Variants in RUVBL1 observed in about 807,000 individuals in gnomAD.
RUVBL1 encodes ruvB-like 1.
A neutral mutation model predicts 52.4 loss-of-function variants in RUVBL1; 4 were observed. The ratio of observed to expected loss-of-function variants is 0.08; its 90% CI spans 0.04 to 0.17. RUVBL1 has a LOEUF of 0.17. Among genes scored for constraint, RUVBL1 ranks in the 10% least tolerant of loss-of-function variants. The probability of loss-of-function intolerance (pLI) is 1.00; values close to 1 mark genes in which losing one functional copy is unlikely to be tolerated. For missense variants in RUVBL1, 298 were observed against 572.8 expected (o/e 0.52, Z 4.90); for synonymous variants, 217 against 214.4 (o/e 1.01, Z -0.10).
chr3:128,146,400 G>A (rs776267474), intron 1 of RUVBL1, among the ~76,000 whole-genome samples: 6 of 151,904 alleles, frequency 3.9e-5, no homozygotes, highest in African/African-American at 9.6e-5. Context: ...GTGTGTGTGC[G>A]TGCATCTGTG....
chr3:128,069,450 G>A (rs558090876), intron 9 of RUVBL1: 66 of 1,601,906 alleles, frequency 4.1e-5, no homozygotes, highest in Non-Finnish European at 4.7e-5. Flanking sequence ...TGGGTGTCCA[G>A]GAGCTGACTG....
At chr3:128,146,781 G>A (rs541241938) in intron 1 of RUVBL1, among the ~76,000 whole-genome samples, 10 of 152,222 alleles carry the variant, frequency 6.6e-5, no homozygotes, top group African/African-American at 1.9e-4. Context: ...CTCTGTGCGT[G>A]TGCACGTGTG....
At chr3:128,097,817 T>G (rs972246950) in intron 7 of RUVBL1, among the ~76,000 whole-genome samples, 4 of 152,304 alleles carry the variant, frequency 2.6e-5, no homozygotes, top group Admixed American at 2.0e-4. Context: ...CTCCCTACCA[T>G]GCCTTATCAC....
downstream of RUVBL1, among the ~76,000 whole-genome samples, chr3:128,077,009 C>T (rs959067333): frequency 6.6e-6 from 1 of 151,804 alleles, no homozygotes; most frequent in African/African-American, 2.4e-5. Flanking sequence ...AATCGGCAGG[C>T]GCCCATCGGC....
At chr3:128,106,046 T>C (rs942035063) in intron 3 of RUVBL1, among the ~76,000 whole-genome samples, 2 of 151,704 alleles carry the variant, frequency 1.3e-5, no homozygotes, top group African/African-American at 4.8e-5. Context: ...ATTTTTGGGG[T>C]TTTTTTGTAC....
upstream of RUVBL1, among the ~76,000 whole-genome samples, chr3:128,126,919 C>A (rs1347835005): frequency 6.6e-6 from 1 of 152,210 alleles, no homozygotes; most frequent in Non-Finnish European, 1.5e-5. Flanking sequence ...TGACCCCACA[C>A]CCCATGTTTG....
Position 128,081,494 on chromosome 3 carries a change from CA to C in RUVBL1, c.1212-86del, listed in dbSNP as rs1942474494. 8 of 1,402,488 alleles carry C rather than the reference CA, an allele frequency of 5.7e-6. No individual in the cohort carries two copies. Among genetic ancestry groups the C allele is most frequent in the African/African-American group, 1.4e-5 (1 of 69,580 alleles). The allele number at this position is 1,402,488 out of a possible 1,614,324, so 86.9% of individuals were successfully genotyped here. A position where few individuals can be genotyped will look rare whatever the true frequency, so the allele number is the denominator to read the frequency against. The stretch of plus-strand genomic sequence containing the variant: ...CCCCCACATCAGTAGGCAGCACTGG[CA>C]CCAGGAGCAGAGCCCAGTGCTGGGC... On this transcript the variant is annotated intron_variant, in intron 10 of 10. Coordinates refer to ENST00000322623, the MANE Select transcript of RUVBL1 (RefSeq NM_003707.3). The surrounding 1 kb of genome is among the most constrained non-coding windows in gnomAD (Gnocchi z 4.8).
chr3:128,098,188 A>C (rs901718957), intron 7 of RUVBL1, among the ~76,000 whole-genome samples: 21 of 152,144 alleles, frequency 1.4e-4, no homozygotes, highest in African/African-American at 4.1e-4. Flanking sequence ...GCAGCTCACA[A>C]ATAGAAAACT....
downstream of RUVBL1, chr3:128,076,052 C>CT (rs1400842805): frequency 1.3e-5 from 2 of 152,918 alleles, no homozygotes; most frequent in African/African-American, 4.8e-5. This position sits in a 1 kb window ranked among gnomAD's most constrained non-coding sequence, Gnocchi z 6.8. Flanking sequence ...CTCTGCACAC[C>CT]TGGCACACGG....
At chr3:128,074,076 C>G (rs955664600) in intron 9 of RUVBL1, among the ~76,000 whole-genome samples, 4 of 152,196 alleles carry the variant, frequency 2.6e-5, no homozygotes, top group Non-Finnish European at 5.9e-5. Flanking sequence ...TAGACATACA[C>G]TTACCCTACA....
At chr3:128,112,729 G>GT (rs1438033336) in intron 3 of RUVBL1, among the ~76,000 whole-genome samples, 159 bp downstream of exon 3, 1 of 152,188 alleles carries the variant, frequency 6.6e-6, no homozygotes, top group Non-Finnish European at 1.5e-5. Flanking sequence ...AAAAACTGGG[G>GT]TTTTGTTTTA....
upstream of RUVBL1, chr3:128,124,013 A>G (rs1283146054): frequency 1.6e-6 from 1 of 636,302 alleles, no homozygotes; most frequent in Non-Finnish European, 2.0e-6. Context: ...CAGTGGGACC[A>G]CGCCCCGGAT....
chr3:128,065,870 T>G (rs1941961264), intron 9 of RUVBL1, among the ~76,000 whole-genome samples: 1 of 149,672 alleles, frequency 6.7e-6, no homozygotes, highest in African/African-American at 2.5e-5. Flanking sequence ...GCCTCCCGAG[T>G]AGATGGGATT....
At chr3:128,079,616 C>A (rs980228717), downstream of RUVBL1, among the ~76,000 whole-genome samples, 1 of 152,220 alleles carries the variant, frequency 6.6e-6, no homozygotes, top group African/African-American at 2.4e-5. Context: ...GGGCCACATG[C>A]ACAGCTGACT....
chr3:128,094,507 G>C (rs988977868), intron 8 of RUVBL1, among the ~76,000 whole-genome samples: 2 of 152,236 alleles, frequency 1.3e-5, no homozygotes, highest in African/African-American at 2.4e-5. Flanking sequence ...GGTCCACTGG[G>C]AAGCGGTGTG....
chr3:128,068,722 G>A (rs1489579178), intron 9 of RUVBL1: 1 of 153,004 alleles, frequency 6.5e-6, no homozygotes, highest in East Asian at 1.9e-4. Context: ...AGGTAAGGAA[G>A]GGCAAAGTCC....
upstream of RUVBL1, chr3:128,123,830 C>T (rs1357035616): frequency 7.2e-7 from 1 of 1,386,928 alleles, no homozygotes; most frequent in Non-Finnish European, 9.4e-7. Context: ...TTTGCAAAGG[C>T]CCGCCTAGAC....
intron 1 of RUVBL1, among the ~76,000 whole-genome samples, chr3:128,151,967 T>C (rs1456900949): frequency 6.6e-6 from 1 of 152,192 alleles, no homozygotes; most frequent in Non-Finnish European, 1.5e-5. Flanking sequence ...GGAGGCAATG[T>C]TGGGCTAGCA....
At chr3:128,077,209 G>A (rs1576435229), downstream of RUVBL1, among the ~76,000 whole-genome samples, 1 of 152,114 alleles carries the variant, frequency 6.6e-6, no homozygotes, top group African/African-American at 2.4e-5. Context: ...AGTGACGGGA[G>A]GGGCGGCAGG....
Sources: gnomAD v4.1 joint callset for allele counts (sites outside exome capture counted in the v4.1 genomes callset) on GRCh38, gnomAD v4.1.1 for gene constraint, Gnocchi (gnomAD v3.1) non-coding constraint, MANE v1.5 for transcripts, NCBI Gene and HGNC (gene_info 2026-07-23, HGNC 2026-07-21) for gene names.